The following C1orf52 variants were observed in gnomAD, a reference collection of about 807,000 sequenced individuals.
C1orf52 encodes UPF0690 protein C1orf52.
Under a neutral mutation model 17.2 loss-of-function variants are expected in C1orf52, and 5 were observed. That is an observed-to-expected ratio of 0.29 (90% CI 0.15 to 0.61). The LOEUF (loss-of-function observed/expected upper bound fraction) is 0.61. C1orf52 is among the 20% of genes least tolerant of loss of function. C1orf52 has a pLI of 0.85. For missense variants in C1orf52, 245 were observed against 234.1 expected (o/e 1.05, Z -0.30); for synonymous variants, 110 against 88.0 (o/e 1.25, Z -1.40).
intron 2 of C1orf52, among the ~76,000 whole-genome samples, chr1:85,254,670 C>T (rs920764691): frequency 3.3e-5 from 5 of 152,100 alleles, no homozygotes; most frequent in African/African-American, 4.8e-5. Flanking sequence ...GGATTACAGG[C>T]GTGAGCCACC....
intron 2 of C1orf52, among the ~76,000 whole-genome samples, chr1:85,256,778 G>C (rs369300338): frequency 2.5e-5 from 3 of 122,348 alleles, no homozygotes; most frequent in African/African-American, 3.3e-5. Context: ...CAGCCTGGGC[G>C]ACTGACCGAG....
chr1:85,259,577 G>T lies in C1orf52; in HGVS notation c.57C>A (p.Ser19Arg), dbSNP rs1660038895. 1 of 1,607,470 alleles carries T rather than the reference G, an allele frequency of 6.2e-7. No individual in the cohort carries two copies. The highest frequency in any genetic ancestry group is 1.3e-5 in the African/African-American group (1 of 74,810). ...LSYFAAYGSS[S>R]SGSSDEEDNI... ...TATCCTCCTCGTCCGAGGAGCCTGA[G>T]CTGCTGCTCCCGTATGCCGCAAAAT... Residue 19 changes from serine to arginine, a missense_variant, in exon 1 of 3, where the codon AGC becomes AGA. Coordinates refer to ENST00000471115, the MANE Select transcript of C1orf52 (RefSeq NM_198077.4).
At chr1:85,256,995 A>C (rs945515183) in intron 2 of C1orf52, among the ~76,000 whole-genome samples, 3 of 152,212 alleles carry the variant, frequency 2.0e-5, no homozygotes, top group African/African-American at 2.4e-5. Flanking sequence ...AAGAACTGCC[A>C]ATCAGTTCTC....
At position 85,250,048 on chromosome 1, in the gene C1orf52, T is replaced by C. The variant is rs1271299337; in HGVS notation, c.*2581A>G. ...GGCAAGAGGAGCAAGACACATCTTA[T>C]GTGGAGGGCAGCAGGCAGAGAGCTT... is the stretch of plus-strand genomic sequence containing the variant. On this transcript the variant is annotated 3_prime_UTR_variant, in exon 3 of 3. Coordinates refer to ENST00000471115, the MANE Select transcript of C1orf52 (RefSeq NM_198077.4). 1 of 152,734 alleles carries C rather than the reference T, an allele frequency of 6.5e-6. No homozygotes were observed. The highest frequency in any genetic ancestry group is 1.5e-5 in the Non-Finnish European group (1 of 68,528). The allele number at this position is 152,734 out of a possible 1,614,324, so 9.5% of individuals were successfully genotyped here. A position where few individuals can be genotyped will look rare whatever the true frequency, so the allele number is the denominator to read the frequency against.
rs746318920 is a variant in C1orf52 at position 85,251,181 on chromosome 1, AT to A, written c.*1447del. On this transcript the variant is annotated 3_prime_UTR_variant, in exon 3 of 3. Transcript: ENST00000471115. Reference sequence around the variant, plus strand: ...TATCTTCCACAATGGGGAAAAACAGATTTAAAAAAAAATACTTAGATTATGT... The same window carrying A: ...TATCTTCCACAATGGGGAAAAACAGATTAAAAAAAAATACTTAGATTATGT... The A allele has an allele frequency of 6.6e-6, 1 of 152,218 alleles. No homozygotes were observed. Among genetic ancestry groups the A allele is most frequent in the East Asian group, 1.9e-4 (1 of 5,176 alleles). 9.4% of individuals were successfully genotyped at this position (152,218 alleles called of 1,614,324 possible). A position where few individuals can be genotyped will look rare whatever the true frequency, so the allele number is the denominator to read the frequency against.
chr1:85,252,762 A>AAG, intron 2 of C1orf52, 60 bp from the exon 3 acceptor site: 1 of 1,244,590 alleles, frequency 8.0e-7, no homozygotes, highest in Non-Finnish European at 1.2e-6. Flanking sequence ...CATGTTAAGC[A>AAG]TTAAAATTTC....
Position 85,258,873 on chromosome 1 carries a change from A to T in C1orf52, c.277-151T>A, listed in dbSNP as rs1570321492. On this transcript the variant is annotated intron_variant, in intron 1 of 2. Coordinates refer to ENST00000471115, the MANE Select transcript of C1orf52 (RefSeq NM_198077.4). ...GACACATTTTTCCATCAAAATCACA[A>T]TACTGTTAAGTGAAAAGCCAAAGGG... 11 of 1,427,180 alleles carry T rather than the reference A, an allele frequency of 7.7e-6. No individual in the cohort carries two copies. The East Asian group carries it at 2.7e-4, about 36-fold the overall frequency. 88.4% of individuals were successfully genotyped at this position (1,427,180 alleles called of 1,614,324 possible).
chr1:85,259,662 C>CGCCGGAA (rs771483896), upstream of C1orf52: 50 of 1,483,942 alleles, frequency 3.4e-5, no homozygotes, highest in Admixed American at 1.1e-3. Flanking sequence ...CCCAGCACTC[C>CGCCGGAA]GCCGGAAGCC....
intron 2 of C1orf52, among the ~76,000 whole-genome samples, chr1:85,257,283 T>G (rs1434430375): frequency 6.6e-6 from 1 of 152,226 alleles, no homozygotes; most frequent in Non-Finnish European, 1.5e-5. Context: ...AGCATTAGCA[T>G]AAACAAGGTA....
rs1044344949 is a variant in C1orf52 at position 85,249,993 on chromosome 1, G to A, written c.*2636C>T. On this transcript the variant is annotated 3_prime_UTR_variant, in exon 3 of 3. Transcript: ENST00000471115. ...TTTAATTGGACTTACAGTTCCACATGGCTGAGGAAGCCTCACAATCATGGC... is the reference window on the plus strand; with the variant it reads ...TTTAATTGGACTTACAGTTCCACATAGCTGAGGAAGCCTCACAATCATGGC... 1.3e-5 allele frequency: 2 copies of A among 154,462 alleles called. No homozygotes were observed. The highest frequency in any genetic ancestry group is 4.8e-5 in the African/African-American group (2 of 41,474). The allele number at this position is 154,462 out of a possible 1,614,324, so 9.6% of individuals were successfully genotyped here.
In C1orf52 at chr1:85,256,814, A is replaced by G. The variant is rs72722650; in HGVS notation, c.475+1710T>C. ...ACTCCGCCTCAAAAAAAAAAAAAAA[A>G]AAAAGAAAAGAAAACAAAAAGATTG... On this transcript the variant is annotated intron_variant, in intron 2 of 2. Coordinates refer to ENST00000471115, the MANE Select transcript of C1orf52 (RefSeq NM_198077.4). Among the ~76,000 whole-genome samples, 18 of 108,186 alleles carry G rather than the reference A, an allele frequency of 1.7e-4. No homozygotes were observed. In the South Asian group the frequency reaches 2.0e-3, roughly 12 times the overall value. The allele number at this position is 108,186 out of a possible 152,430, so 71.0% of individuals were successfully genotyped here.
rs1444249458 is a variant in C1orf52, at chr1:85,251,434, A to C, written c.*1195T>G. 1.3e-5 allele frequency: 2 copies of C among 152,228 alleles called. No homozygotes were observed. The highest frequency in any genetic ancestry group is 2.4e-5 in the African/African-American group (1 of 41,472). 9.4% of individuals were successfully genotyped at this position (152,228 alleles called of 1,614,324 possible). A position where few individuals can be genotyped will look rare whatever the true frequency, so the allele number is the denominator to read the frequency against. On this transcript the variant is annotated 3_prime_UTR_variant, in exon 3 of 3. Coordinates refer to ENST00000471115, the MANE Select transcript of C1orf52 (RefSeq NM_198077.4). ...CAGATTCATGGAAAGATTGATGCAG[A>C]GTGTAACCTTTTTATTGTTCAAAAT...
At chr1:85,257,375 G>A in intron 2 of C1orf52, 3 of 679,196 alleles carry the variant, frequency 4.4e-6, no homozygotes, top group Non-Finnish European at 8.1e-6. Context: ...TAGTTTACTA[G>A]CCAGAGATAA....
chr1:85,255,518 C>T (rs1659914269), intron 2 of C1orf52, among the ~76,000 whole-genome samples: 1 of 151,212 alleles, frequency 6.6e-6, no homozygotes, highest in Non-Finnish European at 1.5e-5. Flanking sequence ...CCACTGCACT[C>T]CAGCCTGGGC....
chr1:85,257,379 G>C, intron 2 of C1orf52: 1 of 682,322 alleles, frequency 1.5e-6, no homozygotes, highest in African/African-American at 1.8e-5. Flanking sequence ...TTACTAGCCA[G>C]AGATAAGAAA....
At chr1:85,258,453 A>T in intron 2 of C1orf52, 71 bp downstream of exon 2, 1 of 1,289,658 alleles carries the variant, frequency 7.8e-7, no homozygotes, top group Non-Finnish European at 1.1e-6. Context: ...TTCATTCATT[A>T]AATATCTCAT....
At chr1:85,257,429 G>A (rs888709458) in intron 2 of C1orf52, 4 of 716,812 alleles carry the variant, frequency 5.6e-6, no homozygotes, top group South Asian at 3.0e-5. Context: ...CTGAAAGGCA[G>A]GGAACCATAC....
intron 2 of C1orf52, chr1:85,257,535 G>T: frequency 1.4e-6 from 1 of 700,598 alleles, no homozygotes; most frequent in South Asian, 1.6e-5. Context: ...ACAAGGCCTT[G>T]ACTTTATCCC....
chr1:85,258,229 T>C (rs1287790320), intron 2 of C1orf52, among the ~76,000 whole-genome samples: 1 of 152,220 alleles, frequency 6.6e-6, no homozygotes, highest in Non-Finnish European at 1.5e-5. Flanking sequence ...GTTGTTCTAA[T>C]AATGCATCAT....
Sources: allele counts gnomAD v4.1 joint callset (sites outside exome capture counted in the v4.1 genomes callset), GRCh38; gene constraint gnomAD v4.1.1; transcripts MANE v1.5; gene names NCBI Gene and HGNC (gene_info 2026-07-23, HGNC 2026-07-21).